SIK2: variants seen among roughly 807,000 people sequenced by gnomAD.
The protein encoded by SIK2 is salt inducible kinase 2, also known as serine/threonine-protein kinase SIK2.
In SIK2, 29 loss-of-function variants were observed where a neutral mutation model predicts 103.2. The observed-to-expected ratio is 0.28, with a 90% CI of 0.21 to 0.38. The LOEUF (loss-of-function observed/expected upper bound fraction) is 0.38. Ranked by LOEUF, SIK2 falls within the 10% of genes least tolerant of loss-of-function variation. SIK2 has a pLI of 1.00. For synonymous variants in SIK2, 412 were observed against 446.1 expected, an observed-to-expected ratio of 0.92 and a Z score of 0.96; for missense variants, 879 against 1,171.0, an observed-to-expected ratio of 0.75 and a Z score of 3.64.
rs1054117836 is a variant in SIK2, at chr11:111,701,964, C to T, written c.727+389C>T. Among the ~76,000 whole-genome samples the T allele has an allele frequency of 6.6e-6, 1 of 152,154 alleles. No homozygotes were observed. Among genetic ancestry groups the T allele is most frequent in the Non-Finnish European group, 1.5e-5 (1 of 68,038 alleles). On this transcript the variant is annotated intron_variant, in intron 6 of 14. Transcript: ENST00000304987. The surrounding 1 kb of genome is among the most constrained non-coding windows in gnomAD (Gnocchi z 4.2). ...AAAAAGCCAAACTGGCAAAACTCTG[C>T]TAAATTCAGATGATATGCCATAATC...
Position 111,721,024 on chromosome 11 carries a change from G to A in SIK2, c.1906G>A (p.Ala636Thr), listed in dbSNP as rs1402644271. Residue 636 changes from alanine (A) to threonine (T), a missense_variant, in exon 12 of 15, where the codon GCT (alanine) becomes ACT (threonine). Transcript: ENST00000304987. ...GGCAGACCCTAACCTGGCGCCGGCG[G>A]CTCCTCAGCTCCAGGACCTTGCTAG... ...PEADPNLAPA[A>T]PQLQDLASSC... is the part of the protein sequence containing the mutation. The A allele has an allele frequency of 1.2e-6, 2 of 1,613,904 alleles. No homozygotes were observed. The highest frequency in any genetic ancestry group is 1.3e-5 in the African/African-American group (1 of 74,914).
intron 4 of SIK2, among the ~76,000 whole-genome samples, chr11:111,698,942 C>T (rs1281806970): frequency 6.6e-6 from 1 of 152,180 alleles, no homozygotes; most frequent in African/African-American, 2.4e-5. Flanking sequence ...GTCCTTGACT[C>T]ATGAGAACAT....
intron 3 of SIK2, among the ~76,000 whole-genome samples, chr11:111,682,788 C>G (rs910197875): frequency 3.9e-5 from 6 of 152,120 alleles, no homozygotes; most frequent in Admixed American, 2.6e-4. Flanking sequence ...ACATTTCTAC[C>G]TATGCTAACC....
intron 1 of SIK2, among the ~76,000 whole-genome samples, chr11:111,603,056 T>G (rs1238386153): frequency 6.9e-6 from 1 of 145,100 alleles, no homozygotes; most frequent in African/African-American, 2.5e-5. Flanking sequence ...GCGTCTTCCC[T>G]GCTTTCGGCT....
chr11:111,611,461 GTTAT>G (rs1202788198), intron 1 of SIK2, among the ~76,000 whole-genome samples: 1 of 151,980 alleles, frequency 6.6e-6, no homozygotes, highest in Non-Finnish European at 1.5e-5. Flanking sequence ...AGCTGACCAG[GTTAT>G]TTATTTTTTA....
In SIK2 at chr11:111,723,801, T is replaced by C. The variant is rs1473209531; in HGVS notation, c.2453T>C (p.Leu818Pro). 4 of 1,613,736 alleles carry C rather than the reference T, an allele frequency of 2.5e-6. No individual in the cohort carries two copies. The highest frequency in any genetic ancestry group is 3.4e-6 in the Non-Finnish European group (4 of 1,180,020). The change falls in exon 15 of 15, where the codon CTA (leucine) becomes CCA (proline). Residue 818 changes from leucine to proline, a missense_variant. Physicochemically the swap from Leu to Pro is moderately conservative, Grantham distance 98. Coordinates refer to ENST00000304987, the MANE Select transcript of SIK2 (RefSeq NM_015191.3). Reference sequence around the variant, plus strand: ...GCTGCTCCTCCTCTGCCCACGCAGCTACAGCAGCAGCAGCCGCCACCGCCA... The same window carrying C: ...GCTGCTCCTCCTCTGCCCACGCAGCCACAGCAGCAGCAGCCGCCACCGCCA... ...PRAAPPLPTQ[L>P]QQQQPPPPPP... is the part of the protein sequence containing the mutation.
chr11:111,704,835 A>G, intron 7 of SIK2, 152 bp from the exon 8 acceptor site: 2 of 821,852 alleles, frequency 2.4e-6, no homozygotes, highest in South Asian at 4.4e-5. Context: ...CCTTCCAGTC[A>G]CATTTTTGGA....
At chr11:111,713,599 A>G (rs1309170069) in intron 9 of SIK2, among the ~76,000 whole-genome samples, 3 of 152,232 alleles carry the variant, frequency 2.0e-5, no homozygotes, top group Admixed American at 2.0e-4. Flanking sequence ...CTGCCTCTCC[A>G]GAGTCCACTA....
chr11:111,653,464 A>G (rs1942353526), intron 3 of SIK2, among the ~76,000 whole-genome samples: 1 of 152,210 alleles, frequency 6.6e-6, no homozygotes, highest in Non-Finnish European at 1.5e-5. Context: ...TTCTTCCAAC[A>G]GAAGGCAAGA....
chr11:111,674,097 A>G (rs534590526), intron 3 of SIK2, among the ~76,000 whole-genome samples: 2 of 152,028 alleles, frequency 1.3e-5, no homozygotes, highest in African/African-American at 4.8e-5. Flanking sequence ...AAAAAGAAAA[A>G]AAAAAGCTTA....
intron 3 of SIK2, chr11:111,671,642 C>A: frequency 2.8e-6 from 1 of 363,112 alleles, no homozygotes; most frequent in Non-Finnish European, 5.4e-6. Context: ...CAGCTGTTGT[C>A]CATGGACAGA....
chr11:111,720,342 A>G, intron 10 of SIK2, 136 bp from the exon 11 acceptor site: 1 of 953,128 alleles, frequency 1.0e-6, no homozygotes, highest in Non-Finnish European at 1.5e-6. Flanking sequence ...GGCCAGTAAA[A>G]GGGCTCTGAA....
At position 111,701,435 on chromosome 11, in the gene SIK2, A is replaced by G. The variant is rs1943209463; in HGVS notation, c.604-17A>G. ...ACGTTCTTGGTAGAAAAGTCTCTGC[A>G]TTGTTTTCTTCCCTAGAGTATGGGA... On this transcript the variant is annotated splice_polypyrimidine_tract_variant and intron_variant, in intron 5 of 14. Transcript: ENST00000304987. The surrounding 1 kb of genome is among the most constrained non-coding windows in gnomAD (Gnocchi z 4.2). The G allele has an allele frequency of 6.2e-7, 1 of 1,608,302 alleles. No homozygotes were observed. Among genetic ancestry groups the G allele is most frequent in the African/African-American group, 1.3e-5 (1 of 74,760 alleles).
At chr11:111,625,858 C>T (rs1941954510) in intron 3 of SIK2, among the ~76,000 whole-genome samples, 1 of 152,144 alleles carries the variant, frequency 6.6e-6, no homozygotes, top group Non-Finnish European at 1.5e-5. Flanking sequence ...GATTTTTAAG[C>T]CTTTGCCCAT....
rs1305880832 is a variant in SIK2, at chr11:111,728,986, TTTTC to T, written c.*4860_*4863del. 1 of 151,882 alleles carries T rather than the reference TTTTC, an allele frequency of 6.6e-6. No individual in the cohort carries two copies. The highest frequency in any genetic ancestry group is 2.4e-5 in the African/African-American group (1 of 41,316). 9.4% of individuals were successfully genotyped at this position (151,882 alleles called of 1,614,324 possible). ...TCTGTTTCTAAACTGGACAAAGAGATTTTCTTAAAGTTTCTATCATCTCCCTTCT... is the reference window on the plus strand; with the variant it reads ...TCTGTTTCTAAACTGGACAAAGAGATTTAAAGTTTCTATCATCTCCCTTCT... On this transcript the variant is annotated 3_prime_UTR_variant, in exon 15 of 15. Coordinates refer to ENST00000304987, the MANE Select transcript of SIK2 (RefSeq NM_015191.3).
intron 4 of SIK2, among the ~76,000 whole-genome samples, chr11:111,690,881 C>T (rs1298903878): frequency 6.6e-6 from 1 of 152,042 alleles, no homozygotes; most frequent in African/African-American, 2.4e-5. Flanking sequence ...TGGGTTGGTT[C>T]CAAGTCTTTG....
At chr11:111,620,465 T>C in intron 3 of SIK2, 63 bp downstream of exon 3, 1 of 1,027,284 alleles carries the variant, frequency 9.7e-7, no homozygotes, top group South Asian at 1.5e-5. Context: ...ATGAATGGGG[T>C]ATTTTCTGTT....
rs529908296 is a variant in SIK2 at position 111,649,021 on chromosome 11, A to G, written c.316+28619A>G. 1.5e-3 allele frequency among the ~76,000 whole-genome samples: 223 copies of G among 152,328 alleles called. 2 individuals carry two copies. The highest frequency in any genetic ancestry group is 5.2e-3 in the African/African-American group (217 of 41,582). On this transcript the variant is annotated intron_variant, in intron 3 of 14. Coordinates refer to ENST00000304987, the MANE Select transcript of SIK2 (RefSeq NM_015191.3). ...TGTGTTCTTGAATTGTTAGTCAGCA[A>G]AATGAATACTTTTTACTCTTTCCTA...
At chr11:111,672,016 C>T in intron 3 of SIK2, 1 of 519,476 alleles carries the variant, frequency 1.9e-6, no homozygotes, top group Non-Finnish European at 3.8e-6. Flanking sequence ...CAGGAGGCTC[C>T]ACTTGGTCTC....
Sources: allele counts gnomAD v4.1 joint callset (sites outside exome capture counted in the v4.1 genomes callset), GRCh38; gene constraint gnomAD v4.1.1; non-coding constraint Gnocchi (gnomAD v3.1); transcripts MANE v1.5; gene names NCBI Gene and HGNC (gene_info 2026-07-23, HGNC 2026-07-21).